Variants in PUM3 observed in about 807,000 individuals in gnomAD.
The protein encoded by PUM3 is pumilio homolog 3.
In PUM3, 91 loss-of-function variants were observed where a neutral mutation model predicts 84.0. The ratio of observed to expected loss-of-function variants is 1.08; its 90% CI spans 0.91 to 1.29. The LOEUF (loss-of-function observed/expected upper bound fraction) is 1.29, where lower values mean the gene tolerates loss of function less well. Among genes scored for constraint, PUM3 ranks in the 50% most tolerant of loss-of-function variants. The pLI, the probability that PUM3 is intolerant of heterozygous loss-of-function variation, is 0.00. For missense variants in PUM3, 1,067 were observed against 767.5 expected (o/e 1.39, Z -4.61); for synonymous variants, 321 against 266.7 (o/e 1.20, Z -1.98).
intron 15 of PUM3, among the ~76,000 whole-genome samples, 165 bp from the exon 16 acceptor site, chr9:2,810,596 G>C (rs566252394): frequency 1.3e-5 from 2 of 152,248 alleles, no homozygotes; most frequent in East Asian, 1.9e-4. Flanking sequence ...ATCATACTTG[G>C]GGGGACCACA....
intron 12 of PUM3, among the ~76,000 whole-genome samples, chr9:2,821,182 C>G (rs1821581065): frequency 6.6e-6 from 1 of 152,114 alleles, no homozygotes; most frequent in African/African-American, 2.4e-5. Flanking sequence ...CGGTAGCTCA[C>G]GCCTGTAATC....
At chr9:2,811,328 A>G (rs1821365396) in intron 15 of PUM3, 33 bp downstream of exon 15, 1 of 1,603,060 alleles carries the variant, frequency 6.2e-7, no homozygotes, top group Non-Finnish European at 8.5e-7. Flanking sequence ...TGGCCTTTGC[A>G]GCTTTCCTGC....
intron 14 of PUM3, 137 bp from the exon 15 acceptor site, chr9:2,811,720 A>T: frequency 1.5e-6 from 1 of 647,048 alleles, no homozygotes; most frequent in East Asian, 2.7e-5. Flanking sequence ...TCTGTTAAGC[A>T]TGTAGACAAT....
chr9:2,843,217 A>G (rs998574481), intron 1 of PUM3, among the ~76,000 whole-genome samples: 3 of 152,010 alleles, frequency 2.0e-5, no homozygotes, highest in Admixed American at 2.0e-4. Flanking sequence ...ACCTAGTTCC[A>G]CTCTATCCGG....
chr9:2,814,569 G>T (rs1217324127), intron 13 of PUM3, among the ~76,000 whole-genome samples: 1 of 152,118 alleles, frequency 6.6e-6, no homozygotes, highest in East Asian at 1.9e-4. Context: ...TACCTTGAGT[G>T]TGCCTTTAGT....
In PUM3 at chr9:2,823,349, T is replaced by G. The variant is rs954220316; in HGVS notation, c.1188+432A>C. 4.6e-5 allele frequency among the ~76,000 whole-genome samples: 7 copies of G among 152,230 alleles called. 1 individual carries two copies. In the South Asian group the frequency reaches 1.4e-3, roughly 32 times the overall value. On this transcript the variant is annotated intron_variant, in intron 12 of 17. Transcript: ENST00000397885. ...AATTTATTCTTAAAAAAAAGATACA[T>G]TTTAATTTCTTTTATGGTTTTGGTC...
intron 15 of PUM3, among the ~76,000 whole-genome samples, chr9:2,810,911 T>G (rs1264014740): frequency 2.0e-5 from 3 of 152,180 alleles, no homozygotes; most frequent in Admixed American, 2.0e-4. Flanking sequence ...TTACTCCTCT[T>G]CAAGAGCAAT....
chr9:2,833,989 T>C (rs1563834755), intron 4 of PUM3, 42 bp downstream of exon 4: 2 of 1,597,026 alleles, frequency 1.3e-6, no homozygotes, highest in Middle Eastern at 1.7e-4. Context: ...ACTTCTCCAC[T>C]GTTGCAAAGG....
rs1369863583 is a variant in PUM3, at chr9:2,827,161, G to C, written c.957-10C>G. 3.2e-6 allele frequency: 5 copies of C among 1,567,434 alleles called. No homozygotes were observed. The East Asian group carries it at 9.2e-5, about 29-fold the overall frequency. On this transcript the variant is annotated splice_polypyrimidine_tract_variant and intron_variant, in intron 9 of 17. Coordinates refer to ENST00000397885, the MANE Select transcript of PUM3 (RefSeq NM_014878.5). ...CTTAATCACAGCTTCCCTGAAAACA[G>C]AAAAAAAAAGCAAAAAGACACAACA...
chr9:2,810,514 C>T, intron 15 of PUM3, 83 bp from the exon 16 acceptor site: 2 of 924,010 alleles, frequency 2.2e-6, no homozygotes, highest in South Asian at 3.2e-5. Flanking sequence ...CTATTTATGC[C>T]ACCACATACA....
intron 3 of PUM3, 24 bp from the exon 4 acceptor site, chr9:2,834,190 C>A (rs1057107923): frequency 6.3e-7 from 1 of 1,596,842 alleles, no homozygotes; most frequent in Non-Finnish European, 8.5e-7. Flanking sequence ...AAATTATTTT[C>A]AATTACATTT....
At chr9:2,810,473 A>T (rs1821343533) in intron 15 of PUM3, 42 bp from the exon 16 acceptor site, 1 of 1,329,012 alleles carries the variant, frequency 7.5e-7, no homozygotes, top group Non-Finnish European at 1.1e-6. Flanking sequence ...AGTTGTTTTC[A>T]TTCATACAAA....
intron 1 of PUM3, among the ~76,000 whole-genome samples, chr9:2,841,953 G>T (rs960426621): frequency 6.6e-6 from 1 of 152,126 alleles, no homozygotes; most frequent in African/African-American, 2.4e-5. Context: ...TTACAGAAAA[G>T]TCCTGTCACT....
intron 13 of PUM3, among the ~76,000 whole-genome samples, chr9:2,818,351 CA>C (rs1821517372): frequency 6.6e-6 from 1 of 152,160 alleles, no homozygotes; most frequent in African/African-American, 2.4e-5. Context: ...TTGTGGGAAT[CA>C]AAGTGATAAG....
intron 13 of PUM3, among the ~76,000 whole-genome samples, chr9:2,819,697 T>C (rs1225194123): frequency 6.6e-6 from 1 of 152,206 alleles, no homozygotes; most frequent in East Asian, 1.9e-4. Flanking sequence ...CATATCTAAA[T>C]ATCACTTTGC....
chr9:2,819,042 G>C (rs141761457), intron 13 of PUM3, among the ~76,000 whole-genome samples: 537 of 152,288 alleles, frequency 3.5e-3, no homozygotes, highest in Non-Finnish European at 4.2e-3. Context: ...TCCCATTTAT[G>C]TATATCAAAC....
intron 3 of PUM3, among the ~76,000 whole-genome samples, chr9:2,835,425 A>T (rs1816097318): frequency 6.6e-6 from 1 of 152,152 alleles, no homozygotes; most frequent in South Asian, 2.1e-4. Flanking sequence ...CAAAAAAGAA[A>T]AAAATTCAGA....
chr9:2,834,412 CTA>C (rs2129874481), intron 3 of PUM3, among the ~76,000 whole-genome samples: 1 of 152,212 alleles, frequency 6.6e-6, no homozygotes, highest in East Asian at 1.9e-4. Flanking sequence ...GAAAAGGACA[CTA>C]AAAGAATTAC....
chr9:2,840,797 A>T (rs1816247302), intron 1 of PUM3, among the ~76,000 whole-genome samples: 1 of 152,022 alleles, frequency 6.6e-6, no homozygotes, highest in African/African-American at 2.4e-5. Flanking sequence ...TTCCTTCTGT[A>T]TTTTCCTTAA....
Sources: allele counts gnomAD v4.1 joint callset (sites outside exome capture counted in the v4.1 genomes callset), GRCh38; gene constraint gnomAD v4.1.1; transcripts MANE v1.5; gene names NCBI Gene and HGNC (gene_info 2026-07-23, HGNC 2026-07-21).